GALNT13: variants seen among roughly 807,000 people sequenced by gnomAD.
GALNT13 encodes the protein polypeptide N-acetylgalactosaminyltransferase 13, also known as UDP-GalNAc:polypeptide N-acetylgalactosaminyltransferase 13.
A neutral mutation model predicts 64.2 loss-of-function variants in GALNT13; 28 were observed. The ratio of observed to expected loss-of-function variants is 0.44; its 90% CI spans 0.32 to 0.60. GALNT13 has a LOEUF of 0.60. Ranked by LOEUF, GALNT13 falls within the 20% of genes least tolerant of loss-of-function variation. The pLI is 0.05. For synonymous variants in GALNT13, 214 were observed against 224.6 expected, an observed-to-expected ratio of 0.95 and a Z score of 0.42; for missense variants, 577 against 669.8, an observed-to-expected ratio of 0.86 and a Z score of 1.53.
chr2:154,453,079 A>G lies in GALNT13; in HGVS notation c.*2528A>G, dbSNP rs772234140. The G allele has an allele frequency of 6.6e-6, 1 of 152,170 alleles. No individual in the cohort carries two copies. Among genetic ancestry groups the G allele is most frequent in the Non-Finnish European group, 1.5e-5 (1 of 68,044 alleles). The allele number at this position is 152,170 out of a possible 1,614,324, so 9.4% of individuals were successfully genotyped here. A position where few individuals can be genotyped will look rare whatever the true frequency, so the allele number is the denominator to read the frequency against. ...ATGCTACCTTTGAAATATAACTAGA[A>G]AAGAATGACTTGCCACCATATCCAC... is the stretch of plus-strand genomic sequence containing the variant. On this transcript the variant is annotated 3_prime_UTR_variant, in exon 13 of 13. Coordinates refer to ENST00000392825, the MANE Select transcript of GALNT13 (RefSeq NM_052917.4).
chr2:153,656,021 G>A, the GALNT13 span, among the ~76,000 whole-genome samples: 1 of 152,032 alleles, frequency 6.6e-6, no homozygotes, highest in Non-Finnish European at 1.5e-5. Flanking sequence ...TTGAAAGCTT[G>A]CCCGCTTTGT....
chr2:153,585,628 T>G, the GALNT13 span, among the ~76,000 whole-genome samples: 4 of 152,148 alleles, frequency 2.6e-5, no homozygotes, highest in Non-Finnish European at 5.9e-5. Context: ...CAGTATATCA[T>G]AATCAGACTG....
intron 4 of GALNT13, among the ~76,000 whole-genome samples, chr2:154,218,911 G>T (rs961754516): frequency 6.6e-6 from 1 of 151,806 alleles, no homozygotes; most frequent in Non-Finnish European, 1.5e-5. Flanking sequence ...ATGACATATT[G>T]TCTTGCATCT....
the GALNT13 span, among the ~76,000 whole-genome samples, chr2:153,418,672 G>T: frequency 6.6e-6 from 1 of 152,148 alleles, no homozygotes; most frequent in Admixed American, 6.5e-5. Context: ...GGACTATAGA[G>T]AAAGCCAAAT....
At chr2:154,362,542 T>C (rs1697134596) in intron 9 of GALNT13, among the ~76,000 whole-genome samples, 1 of 151,732 alleles carries the variant, frequency 6.6e-6, no homozygotes, top group Non-Finnish European at 1.5e-5. Context: ...TCCCAGTCTT[T>C]CTAGTCAAAG....
At position 154,453,430 on chromosome 2, in the gene GALNT13, C is replaced by G. The variant is rs1701948856; in HGVS notation, c.*2879C>G. On this transcript the variant is annotated 3_prime_UTR_variant, in exon 13 of 13. Coordinates refer to ENST00000392825, the MANE Select transcript of GALNT13 (RefSeq NM_052917.4). ...CTCATTATTCTGCCTCTTACTTACC[C>G]TATTATGGCTCCCAAGAAAGTTCCT... 6.6e-6 allele frequency: 1 copy of G among 152,342 alleles called. No homozygotes were observed. Among genetic ancestry groups the G allele is most frequent in the Admixed American group, 6.6e-5 (1 of 15,230 alleles). 9.4% of individuals were successfully genotyped at this position (152,342 alleles called of 1,614,324 possible).
the GALNT13 span, among the ~76,000 whole-genome samples, chr2:153,220,936 A>C: frequency 2.6e-5 from 4 of 152,210 alleles, no homozygotes; most frequent in Non-Finnish European, 5.9e-5. Flanking sequence ...CTAAACGATA[A>C]GAATACATGG....
At chr2:154,257,159 A>C (rs1389045770) in intron 7 of GALNT13, among the ~76,000 whole-genome samples, 1 of 152,050 alleles carries the variant, frequency 6.6e-6, no homozygotes, top group African/African-American at 2.4e-5. Context: ...TATTTTTATT[A>C]TTTTCAAGCA....
the GALNT13 span, among the ~76,000 whole-genome samples, chr2:153,285,800 A>C: frequency 4.3e-4 from 65 of 152,236 alleles, no homozygotes; most frequent in Non-Finnish European, 8.8e-4. Flanking sequence ...AAACAAGAAG[A>C]AAAATAGGTA....
the GALNT13 span, among the ~76,000 whole-genome samples, chr2:153,488,211 T>C: frequency 1.3e-5 from 2 of 152,214 alleles, no homozygotes; most frequent in Non-Finnish European, 2.9e-5. Flanking sequence ...ATTGTCACCA[T>C]GGCAAACCTG....
chr2:154,289,907 A>G (rs1692500820), intron 8 of GALNT13, among the ~76,000 whole-genome samples: 1 of 152,208 alleles, frequency 6.6e-6, no homozygotes, highest in Non-Finnish European at 1.5e-5. Context: ...GCTCATAATC[A>G]GAATGCTCAC....
the GALNT13 span, among the ~76,000 whole-genome samples, chr2:153,643,597 AAC>A: frequency 6.6e-6 from 1 of 151,866 alleles, no homozygotes; most frequent in African/African-American, 2.4e-5. Context: ...AAAAAAAAGT[AAC>A]AGTCTAAGAA....
intron 3 of GALNT13, among the ~76,000 whole-genome samples, chr2:153,996,189 C>T (rs1305637491): frequency 1.3e-5 from 2 of 152,106 alleles, no homozygotes. Context: ...TGGATAAATA[C>T]CCAGTAATGA....
At chr2:154,131,062 G>A (rs1186810752) in intron 3 of GALNT13, among the ~76,000 whole-genome samples, 2 of 152,146 alleles carry the variant, frequency 1.3e-5, no homozygotes, top group Non-Finnish European at 2.9e-5. Context: ...GGCCATTACT[G>A]GAGCCATTGC....
chr2:153,199,923 C>T, the GALNT13 span, among the ~76,000 whole-genome samples: 2 of 152,246 alleles, frequency 1.3e-5, no homozygotes, highest in African/African-American at 2.4e-5. Context: ...ATAAATAGTA[C>T]AGTGAACTGC....
the GALNT13 span, among the ~76,000 whole-genome samples, chr2:153,123,607 T>C: frequency 6.6e-6 from 1 of 152,168 alleles, no homozygotes; most frequent in Non-Finnish European, 1.5e-5. Flanking sequence ...ATGCTTCTTA[T>C]GGCAAAAAAG....
the GALNT13 span, among the ~76,000 whole-genome samples, chr2:153,637,145 A>G: frequency 6.6e-6 from 1 of 152,142 alleles, no homozygotes; most frequent in Admixed American, 6.6e-5. Flanking sequence ...TGGTTATTCA[A>G]GCTTGTAATA....
intron 3 of GALNT13, among the ~76,000 whole-genome samples, chr2:154,083,290 T>C (rs1049693714): frequency 7.2e-5 from 11 of 151,912 alleles, no homozygotes; most frequent in Non-Finnish European, 1.5e-5. Flanking sequence ...TTGGTACCAG[T>C]ACCATGCTGT....
intron 8 of GALNT13, among the ~76,000 whole-genome samples, chr2:154,263,214 T>A (rs1309092101): frequency 6.6e-6 from 1 of 152,216 alleles, no homozygotes; most frequent in African/African-American, 2.4e-5. Flanking sequence ...CACCCAGCTC[T>A]GGCACTTACC....
Sources: allele counts gnomAD v4.1 joint callset (sites outside exome capture counted in the v4.1 genomes callset), GRCh38; gene constraint gnomAD v4.1.1; transcripts MANE v1.5; gene names NCBI Gene and HGNC (gene_info 2026-07-23, HGNC 2026-07-21).